Variants in SAXO1 observed in about 807,000 individuals in gnomAD.
SAXO1 encodes 4930500O09Rik.
SAXO1 carries 21 observed loss-of-function variants against 17.5 expected under a neutral mutation model. The observed-to-expected ratio is 1.20, with a 90% CI of 0.85 to 1.72. The LOEUF (loss-of-function observed/expected upper bound fraction) is 1.72. SAXO1 is among the 40% of genes most tolerant of loss of function. The probability of loss-of-function intolerance (pLI) is 0.00; values close to 1 mark genes in which losing one functional copy is unlikely to be tolerated. For synonymous variants in SAXO1, 274 were observed against 216.5 expected (o/e 1.27, Z -2.33); for missense variants, 843 against 596.0 (o/e 1.41, Z -4.32).
chr9:18,943,923 G>A (rs1588418342), intron 2 of SAXO1, among the ~76,000 whole-genome samples: 1 of 152,226 alleles, frequency 6.6e-6, no homozygotes, highest in African/African-American at 2.4e-5. Context: ...CTGACCAAGA[G>A]GACCAGCTTC....
rs560227452 is a variant in SAXO1 at position 18,970,873 on chromosome 9, A to G, written c.39-19936T>C. Among the ~76,000 whole-genome samples, 9 of 152,264 alleles carry G rather than the reference A, an allele frequency of 5.9e-5. No individual in the cohort carries two copies. In the East Asian group the frequency reaches 1.7e-3, roughly 29 times the overall value. On this transcript the variant is annotated intron_variant, in intron 1 of 3. Transcript: ENST00000380534. Reference sequence around the variant, plus strand: ...GCATTTCAGTGTTTATAGTTGTCCCATTGCCTTGAGCCCCAAAACTTAGCC... The same window carrying G: ...GCATTTCAGTGTTTATAGTTGTCCCGTTGCCTTGAGCCCCAAAACTTAGCC...
chr9:18,932,153 A>C (rs1406650200), intron 3 of SAXO1, among the ~76,000 whole-genome samples: 3 of 152,108 alleles, frequency 2.0e-5, no homozygotes, highest in Non-Finnish European at 2.9e-5. Context: ...TTTTTCTCCC[A>C]TGTTTTATTT....
chr9:19,002,371 GGA>G (rs1834311999), intron 1 of SAXO1, among the ~76,000 whole-genome samples: 2 of 152,240 alleles, frequency 1.3e-5, no homozygotes, highest in East Asian at 1.9e-4. Flanking sequence ...AGAAAAAGAG[GGA>G]CTCCTCTCTC....
intron 1 of SAXO1, among the ~76,000 whole-genome samples, chr9:18,972,706 G>A (rs7024220): frequency 0.82 from 125,084 of 152,142 alleles, 51,708 homozygotes; most frequent in African/African-American, 0.89. Context: ...AAGAAGCCCA[G>A]CGTACCAACA....
chr9:19,027,428 A>G, intron 1 of SAXO1: 1 of 756,076 alleles, frequency 1.3e-6, no homozygotes, highest in South Asian at 1.5e-5. Context: ...AAGCAGATCC[A>G]GGAACTGGTG....
intron 1 of SAXO1, among the ~76,000 whole-genome samples, chr9:18,967,794 A>AT (rs1267359903): frequency 5.7e-5 from 6 of 105,660 alleles, no homozygotes; most frequent in African/African-American, 4.7e-4. Context: ...TTGGGGTATG[A>AT]AAAAAAAAAC....
chr9:18,934,003 A>C (rs955727719), intron 3 of SAXO1, among the ~76,000 whole-genome samples: 1 of 152,282 alleles, frequency 6.6e-6, no homozygotes, highest in South Asian at 2.1e-4. Flanking sequence ...CCGAGATTGC[A>C]GCCACTGCAC....
intron 1 of SAXO1, among the ~76,000 whole-genome samples, chr9:18,958,903 C>T (rs1431951472): frequency 6.6e-6 from 1 of 152,042 alleles, no homozygotes; most frequent in Non-Finnish European, 1.5e-5. Context: ...TTGGAGAAAC[C>T]GTATTTGCGA....
At chr9:18,971,467 T>G (rs1832940767) in intron 1 of SAXO1, among the ~76,000 whole-genome samples, 1 of 152,130 alleles carries the variant, frequency 6.6e-6, no homozygotes, top group Admixed American at 6.6e-5. Flanking sequence ...GAAAGTTAAT[T>G]TAAACAATGA....
At chr9:18,934,848 T>C (rs1831219861) in intron 3 of SAXO1, among the ~76,000 whole-genome samples, 2 of 152,234 alleles carry the variant, frequency 1.3e-5, no homozygotes, top group Non-Finnish European at 2.9e-5. Context: ...ACTAATTCCA[T>C]AGAGTCTTAT....
intron 1 of SAXO1, among the ~76,000 whole-genome samples, chr9:18,987,404 T>C (rs1833637511): frequency 6.6e-6 from 1 of 152,246 alleles, no homozygotes; most frequent in Non-Finnish European, 1.5e-5. Context: ...ATCTTCATTA[T>C]AACTGAGATT....
chr9:18,972,765 C>G (rs1276708715), intron 1 of SAXO1, among the ~76,000 whole-genome samples: 2 of 152,198 alleles, frequency 1.3e-5, no homozygotes, highest in African/African-American at 4.8e-5. Context: ...TCCTTATACT[C>G]TCCTCTTTGC....
chr9:18,938,830 G>GTGTGTGTGTGTGTATGTGTGTGTGTGTA (rs1554667863), intron 3 of SAXO1, among the ~76,000 whole-genome samples: 3 of 147,766 alleles, frequency 2.0e-5, no homozygotes, highest in Non-Finnish European at 4.5e-5. Flanking sequence ...GCGTGTGTGT[G>GTGTGTGTGTGTGTATGTGTGTGTGTGTA]TGTGTGTGTG....
chr9:19,009,125 A>G (rs189445603), intron 1 of SAXO1, among the ~76,000 whole-genome samples: 105 of 152,334 alleles, frequency 6.9e-4, no homozygotes, highest in African/African-American at 2.5e-3. Context: ...TGTCTTGCCT[A>G]TAATTTTCCT....
chr9:19,019,935 A>G (rs1835154310), intron 1 of SAXO1, among the ~76,000 whole-genome samples: 1 of 151,504 alleles, frequency 6.6e-6, no homozygotes, highest in African/African-American at 2.4e-5. Context: ...TTATCCATCT[A>G]TCTCCTGCTG....
chr9:18,928,757 T>C lies in SAXO1; in HGVS notation c.720A>G (p.Gln240=). 6.2e-7 allele frequency: 1 copy of C among 1,614,054 alleles called. No homozygotes were observed. Among genetic ancestry groups the C allele is most frequent in the Non-Finnish European group, 8.5e-7 (1 of 1,180,004 alleles). The change falls in exon 4 of 4, where the codon CAA becomes CAG. Residue 240 remains glutamine (Q), a synonymous_variant. Transcript: ENST00000380534. ...CCATCAGGCCCCGGTAGGATTGTTT[T>C]TGAGTGGTAAGGCTTTCAAAGGGGA... ...CEIPFESLTT[Q]KQSYRGLMGE...
rs146537623 is a variant in SAXO1 at position 18,964,420 on chromosome 9, T to C, written c.39-13483A>G. Among the ~76,000 whole-genome samples the C allele has an allele frequency of 1.2e-3, 177 of 152,312 alleles. 1 individual carries two copies. The highest frequency in any genetic ancestry group is 4.1e-3 in the African/African-American group (170 of 41,582). Reference sequence around the variant, plus strand: ...TTGACCTGGGCATTTTTTTGGTTGGTGGACTATTAATTACTGCCTCAATTT... The same window carrying C: ...TTGACCTGGGCATTTTTTTGGTTGGCGGACTATTAATTACTGCCTCAATTT... On this transcript the variant is annotated intron_variant, in intron 1 of 3. Coordinates refer to ENST00000380534, the MANE Select transcript of SAXO1 (RefSeq NM_153707.4).
intron 1 of SAXO1, among the ~76,000 whole-genome samples, chr9:18,984,887 A>G (rs1304686861): frequency 1.3e-5 from 2 of 152,248 alleles, no homozygotes; most frequent in Middle Eastern, 3.4e-3. Context: ...TTGCCTTTCA[A>G]TATGCCCTTA....
chr9:18,969,409 C>T (rs2131787917), intron 1 of SAXO1, among the ~76,000 whole-genome samples: 1 of 152,292 alleles, frequency 6.6e-6, no homozygotes, highest in Middle Eastern at 3.4e-3. Context: ...AACCCAACAG[C>T]TGTGCTAAAC....
Sources: allele counts gnomAD v4.1 joint callset (sites outside exome capture counted in the v4.1 genomes callset), GRCh38; gene constraint gnomAD v4.1.1; transcripts MANE v1.5; gene names NCBI Gene and HGNC (gene_info 2026-07-23, HGNC 2026-07-21).